Variants in SNAP23 observed in about 807,000 individuals in gnomAD.
The protein encoded by SNAP23 is synaptosome associated protein 23.
Under a neutral mutation model 29.0 loss-of-function variants are expected in SNAP23, and 11 were observed. The observed-to-expected ratio is 0.38, with a 90% CI of 0.24 to 0.63. SNAP23 has a LOEUF of 0.63. Among genes scored for constraint, SNAP23 ranks in the 20% least tolerant of loss-of-function variants. The probability of loss-of-function intolerance (pLI) is 0.58; values close to 1 mark genes in which losing one functional copy is unlikely to be tolerated. For synonymous variants in SNAP23, 60 were observed against 82.9 expected, an observed-to-expected ratio of 0.72 and a Z score of 1.50; for missense variants, 220 against 253.9, an observed-to-expected ratio of 0.87 and a Z score of 0.91.
In SNAP23 at chr15:42,516,624, C is replaced by T. The variant is rs533565183; in HGVS notation, c.266+1270C>T. Among the ~76,000 whole-genome samples, 7 of 152,284 alleles carry T rather than the reference C, an allele frequency of 4.6e-5. No individual in the cohort carries two copies. In the East Asian group the frequency reaches 7.7e-4, roughly 17 times the overall value. On this transcript the variant is annotated intron_variant, in intron 5 of 7. Transcript: ENST00000249647. ...GATTACAGGTGTGAGCCACCACACC[C>T]GGCCTCAATGTATTCATTTTTAAAG...
intron 1 of SNAP23, among the ~76,000 whole-genome samples, chr15:42,503,368 A>ATTTT (rs5812222): frequency 8.6e-6 from 1 of 116,324 alleles, no homozygotes; most frequent in African/African-American, 3.1e-5. Flanking sequence ...CGCCTGGCTA[A>ATTTT]TTTTTTTTTT....
At chr15:42,529,973 CAA>C (rs1394321954) in intron 7 of SNAP23, among the ~76,000 whole-genome samples, 154 bp downstream of exon 7, 5 of 152,170 alleles carry the variant, frequency 3.3e-5, no homozygotes, top group Non-Finnish European at 5.9e-5. Flanking sequence ...ACACATAAAA[CAA>C]GAGCCAAGTC....
At chr15:42,512,532 C>G (rs2057365630) in intron 2 of SNAP23, among the ~76,000 whole-genome samples, 2 of 152,034 alleles carry the variant, frequency 1.3e-5, no homozygotes, top group African/African-American at 4.8e-5. Context: ...GTGTGTGCCA[C>G]CACGCCCAGC....
intron 5 of SNAP23, among the ~76,000 whole-genome samples, chr15:42,527,325 A>C (rs1366691509): frequency 2.0e-5 from 3 of 152,090 alleles, no homozygotes; most frequent in African/African-American, 4.8e-5. Flanking sequence ...TTCATGGAAA[A>C]TTCTAATAAA....
chr15:42,531,304 C>G, intron 7 of SNAP23, 109 bp from the exon 8 acceptor site: 1 of 620,660 alleles, frequency 1.6e-6, no homozygotes. Flanking sequence ...AATGTAACTT[C>G]ACGTGGTTTC....
chr15:42,524,371 A>G (rs1398956739), intron 5 of SNAP23, among the ~76,000 whole-genome samples: 1 of 152,106 alleles, frequency 6.6e-6, no homozygotes, highest in African/African-American at 2.4e-5. Context: ...AGGGGCCCTC[A>G]ACCCCCCCAG....
At chr15:42,526,724 G>A (rs1400495016) in intron 5 of SNAP23, among the ~76,000 whole-genome samples, 1 of 152,064 alleles carries the variant, frequency 6.6e-6, no homozygotes. Flanking sequence ...TTGAATGAAA[G>A]CTTGACTTTA....
chr15:42,494,191 T>A (rs1409439309), upstream of SNAP23, among the ~76,000 whole-genome samples: 2 of 152,006 alleles, frequency 1.3e-5, no homozygotes, highest in Non-Finnish European at 2.9e-5. Context: ...AGGCCAAACT[T>A]TCCAAAAGCA....
intron 5 of SNAP23, among the ~76,000 whole-genome samples, chr15:42,517,285 A>G (rs1052428456): frequency 2.0e-5 from 3 of 152,248 alleles, no homozygotes; most frequent in African/African-American, 4.8e-5. Flanking sequence ...TAAGCAAACA[A>G]GTTAAAATGT....
chr15:42,503,718 G>C (rs62019285), intron 1 of SNAP23, among the ~76,000 whole-genome samples: 17,449 of 151,872 alleles, frequency 0.11, 1,132 homozygotes, highest in Non-Finnish European at 0.15. Flanking sequence ...GGCCAGTCTG[G>C]TCTCAAACTC....
At chr15:42,508,613 C>T (rs1333626469) in intron 1 of SNAP23, among the ~76,000 whole-genome samples, 1 of 152,116 alleles carries the variant, frequency 6.6e-6, no homozygotes, top group Admixed American at 6.5e-5. Context: ...GACCTCATTG[C>T]GATGTCAGGG....
chr15:42,526,224 G>T (rs1358174545), intron 5 of SNAP23, among the ~76,000 whole-genome samples: 2 of 152,118 alleles, frequency 1.3e-5, no homozygotes, highest in Admixed American at 6.5e-5. Flanking sequence ...CTCTGCTCTA[G>T]AATTTTGCCT....
Position 42,511,893 on chromosome 15 carries a change from T to C in SNAP23, c.47T>C (p.Ile16Thr), listed in dbSNP as rs2057360684. The change falls in exon 2 of 8, where the codon ATT (isoleucine) becomes ACT (threonine). Residue 16 changes from isoleucine (I) to threonine (T), a missense_variant. By Grantham distance (89) the Ile-to-Thr change is moderately conservative. Coordinates refer to ENST00000249647, the MANE Select transcript of SNAP23 (RefSeq NM_003825.4). ...GAAATTCAACAGAGAGCTCACCAGATTACTGATGAGGTAAATGTTTTACCT... is the reference window on the plus strand; with the variant it reads ...GAAATTCAACAGAGAGCTCACCAGACTACTGATGAGGTAAATGTTTTACCT... ...SEEIQQRAHQITDESLESTRR... is the reference protein window; with the variant it reads ...SEEIQQRAHQTTDESLESTRR... 2.5e-6 allele frequency: 4 copies of C among 1,590,842 alleles called. No homozygotes were observed. In the East Asian group the frequency reaches 9.0e-5, roughly 36 times the overall value.
chr15:42,532,749 A>C lies in SNAP23; in HGVS notation c.*1271A>C, dbSNP rs952319935. The C allele has an allele frequency of 4.6e-5, 7 of 152,676 alleles. No individual in the cohort carries two copies. The highest frequency in any genetic ancestry group is 1.7e-4 in the African/African-American group (7 of 41,464). The allele number at this position is 152,676 out of a possible 1,614,324, so 9.5% of individuals were successfully genotyped here. ...AGTCATTTTGACCTCAGGTAGAAAA[A>C]TAGATTGCTTTGAGTTTTATGTAGC... On this transcript the variant is annotated 3_prime_UTR_variant, in exon 8 of 8. Coordinates refer to ENST00000249647, the MANE Select transcript of SNAP23 (RefSeq NM_003825.4).
chr15:42,502,568 C>T (rs1443224004), intron 1 of SNAP23, among the ~76,000 whole-genome samples: 2 of 152,158 alleles, frequency 1.3e-5, no homozygotes, highest in Non-Finnish European at 2.9e-5. Context: ...TTAATCAGAG[C>T]TAAACTATGT....
At chr15:42,529,921 C>T in intron 7 of SNAP23, 102 bp downstream of exon 7, 4 of 1,287,810 alleles carry the variant, frequency 3.1e-6, no homozygotes, top group Non-Finnish European at 1.1e-6. Context: ...AGAATAAGCT[C>T]CTGTCCTCAT....
At position 42,529,758 on chromosome 15, in the gene SNAP23, C is replaced by T. The variant is rs149327023; in HGVS notation, c.509C>T (p.Ala170Val). The change falls in exon 7 of 8, where the codon GCC becomes GTC. Residue 170 changes from alanine (A) to valine (V), a missense_variant. Transcript: ENST00000249647. ...ATCCTGGGAAATCTAAAAGACATGG[C>T]CCTGAACATAGGCAATGAGATTGAT... Reference protein sequence around the residue: ...GSILGNLKDMALNIGNEIDAQ... With the variant: ...GSILGNLKDMVLNIGNEIDAQ... 1.2e-6 allele frequency: 2 copies of T among 1,613,990 alleles called. No individual in the cohort carries two copies. Among genetic ancestry groups the T allele is most frequent in the Non-Finnish European group, 8.5e-7 (1 of 1,179,948 alleles).
At chr15:42,492,950 G>C (rs978542701), upstream of SNAP23, 12 of 152,242 alleles carry the variant, frequency 7.9e-5, no homozygotes, top group Admixed American at 7.9e-4. Flanking sequence ...ATATTGGTGA[G>C]TGCCAAGGTA....
intron 1 of SNAP23, among the ~76,000 whole-genome samples, chr15:42,504,479 G>T (rs2057301631): frequency 6.6e-6 from 1 of 152,096 alleles, no homozygotes; most frequent in South Asian, 2.1e-4. Flanking sequence ...ATATTTAGTA[G>T]CTATTACTTT....
Sources: gnomAD v4.1 joint callset for allele counts (sites outside exome capture counted in the v4.1 genomes callset) on GRCh38, gnomAD v4.1.1 for gene constraint, MANE v1.5 for transcripts, NCBI Gene and HGNC (gene_info 2026-07-23, HGNC 2026-07-21) for gene names.